The following GNA13 variants were observed in gnomAD, a reference collection of about 807,000 sequenced individuals.
GNA13 encodes the protein G protein subunit alpha 13.
A neutral mutation model predicts 33.5 loss-of-function variants in GNA13; 4 were observed. The ratio of observed to expected loss-of-function variants is 0.12; its 90% CI spans 0.06 to 0.27. The LOEUF (loss-of-function observed/expected upper bound fraction) is 0.27. GNA13 is among the 10% of genes least tolerant of loss of function. The probability of loss-of-function intolerance (pLI) is 1.00; values close to 1 mark genes in which losing one functional copy is unlikely to be tolerated. For missense variants in GNA13, 319 were observed against 487.2 expected (o/e 0.65, Z 3.25); for synonymous variants, 176 against 183.8 (o/e 0.96, Z 0.34).
chr17:65,027,727 C>T (rs1906845648), intron 2 of GNA13, among the ~76,000 whole-genome samples: 2 of 152,186 alleles, frequency 1.3e-5, no homozygotes, highest in Non-Finnish European at 2.9e-5. Flanking sequence ...CACTGACATG[C>T]TAATTTCTCC....
At position 65,056,685 on chromosome 17, in the gene GNA13, G is replaced by A. The variant is rs1908079338; in HGVS notation, c.-92C>T. On this transcript the variant is annotated 5_prime_UTR_variant, in exon 1 of 4. Coordinates refer to ENST00000439174, the MANE Select transcript of GNA13 (RefSeq NM_006572.6). Reference sequence around the variant, plus strand: ...GCGGCTCCGGCACCGAGGCTCGAGGGCGGGGAGCGCGGCGGCGGCCCGAGC... The same window carrying A: ...GCGGCTCCGGCACCGAGGCTCGAGGACGGGGAGCGCGGCGGCGGCCCGAGC... 3.2e-6 allele frequency: 3 copies of A among 945,272 alleles called. No homozygotes were observed. Among genetic ancestry groups the A allele is most frequent in the East Asian group, 6.8e-5 (2 of 29,492 alleles). 58.6% of individuals were successfully genotyped at this position (945,272 alleles called of 1,614,324 possible).
intron 2 of GNA13, among the ~76,000 whole-genome samples, chr17:65,023,437 A>T (rs1030482807): frequency 6.6e-6 from 1 of 152,218 alleles, no homozygotes; most frequent in African/African-American, 2.4e-5. Flanking sequence ...GAGCACAGGG[A>T]TGGAACTGAT....
Position 65,014,617 on chromosome 17 carries a change from T to G in GNA13, c.774A>C (p.Glu258Asp). 1 of 1,614,102 alleles carries G rather than the reference T, an allele frequency of 6.2e-7. No individual in the cohort carries two copies. Among genetic ancestry groups the G allele is most frequent in the Non-Finnish European group, 8.5e-7 (1 of 1,179,924 alleles). Residue 258 changes from glutamate (E) to aspartate (D), a missense_variant, in exon 4 of 4, where the codon GAA (glutamate) becomes GAC (aspartate). Coordinates refer to ENST00000439174, the MANE Select transcript of GNA13 (RefSeq NM_006572.6). The surrounding 1 kb of genome is among the most constrained non-coding windows in gnomAD (Gnocchi z 5.3). ...SSSEFDQVLM[E>D]DRLTNRLTES... The stretch of plus-strand genomic sequence containing the variant: ...CTGTAAGGCGATTGGTCAGTCGATC[T>G]TCCATAAGCACCTGGTCAAATTCAC...
At position 65,053,783 on chromosome 17, in the gene GNA13, A is replaced by G. The variant is rs528181261; in HGVS notation, c.284-55T>C. The G allele has an allele frequency of 4.9e-5, 52 of 1,069,946 alleles. 2 individuals are homozygous for G. The South Asian group carries it at 5.4e-4, about 11-fold the overall frequency. 66.3% of individuals were successfully genotyped at this position (1,069,946 alleles called of 1,614,324 possible). A position where few individuals can be genotyped will look rare whatever the true frequency, so the allele number is the denominator to read the frequency against. On this transcript the variant is annotated intron_variant, in intron 1 of 3. Coordinates refer to ENST00000439174, the MANE Select transcript of GNA13 (RefSeq NM_006572.6). ...TGGAGAGGAGTCATTACATATTATC[A>G]TAAGTTTTTATTCCAGTATTATTTC...
At chr17:65,034,156 GAAT>G (rs927600698) in intron 2 of GNA13, among the ~76,000 whole-genome samples, 3 of 149,958 alleles carry the variant, frequency 2.0e-5, no homozygotes, top group African/African-American at 7.4e-5. Flanking sequence ...AGCATAAGTA[GAAT>G]ACTACCTTTA....
chr17:65,046,095 G>A (rs899003728), intron 2 of GNA13, among the ~76,000 whole-genome samples: 1 of 152,114 alleles, frequency 6.6e-6, no homozygotes, highest in African/African-American at 2.4e-5. Context: ...GCGGATAACA[G>A]TATATCTTGT....
chr17:65,053,543 C>T lies in GNA13; in HGVS notation c.469G>A (p.Gly157Ser), dbSNP rs770151406. The stretch of plus-strand genomic sequence containing the variant: ...CGCCGGTCATAGGCATTCTGTATGC[C>T]GCTGTCTGCCCATAATGCTCTTATA... ...PAIRALWADS[G>S]IQNAYDRRRE... Residue 157 changes from glycine to serine, a missense_variant, in exon 2 of 4, where the codon GGC (glycine) becomes AGC (serine). Around this residue, in one of 4 missense-constraint regions of GNA13, gnomAD observed 136 missense variants for 159.3 expected, o/e 0.85. Coordinates refer to ENST00000439174, the MANE Select transcript of GNA13 (RefSeq NM_006572.6). 16 of 1,613,028 alleles carry T rather than the reference C, an allele frequency of 9.9e-6. 1 individual carries two copies. Among genetic ancestry groups the T allele is most frequent in the South Asian group, 7.7e-5 (7 of 91,058 alleles).
intron 2 of GNA13, among the ~76,000 whole-genome samples, chr17:65,018,924 C>G (rs56097648): frequency 6.6e-6 from 1 of 152,112 alleles, no homozygotes; most frequent in African/African-American, 2.4e-5. Flanking sequence ...CTAAACTGTA[C>G]GAGAATACAT....
chr17:65,013,991 G>A lies in GNA13; in HGVS notation c.*266C>T. 1 of 416,610 alleles carries A rather than the reference G, an allele frequency of 2.4e-6. No homozygotes were observed. The highest frequency in any genetic ancestry group is 4.3e-6 in the Non-Finnish European group (1 of 231,896). The allele number at this position is 416,610 out of a possible 1,614,324, so 25.8% of individuals were successfully genotyped here. The stretch of plus-strand genomic sequence containing the variant: ...AAGCCTGAAATATGCCTAGTCTGAG[G>A]TCAGCTGGGAGGTTTTAACTGGACT... On this transcript the variant is annotated 3_prime_UTR_variant, in exon 4 of 4. Transcript: ENST00000439174.
chr17:65,045,518 A>AC (rs1386222135), intron 2 of GNA13, among the ~76,000 whole-genome samples: 39 of 151,518 alleles, frequency 2.6e-4, no homozygotes, highest in Admixed American at 1.4e-3. Context: ...AAAAAAAAAA[A>AC]AAAAAAAAAA....
At chr17:65,030,131 A>G (rs537115261) in intron 2 of GNA13, among the ~76,000 whole-genome samples, 27 of 152,358 alleles carry the variant, frequency 1.8e-4, no homozygotes, top group African/African-American at 5.8e-4. Flanking sequence ...ACATCCCATA[A>G]AAGTGATAAA....
chr17:65,031,532 C>T (rs1024018493), intron 2 of GNA13, among the ~76,000 whole-genome samples: 1 of 152,190 alleles, frequency 6.6e-6, no homozygotes, highest in Admixed American at 6.5e-5. Flanking sequence ...TCAGAGAAAA[C>T]TGGAAATCTA....
intron 2 of GNA13, among the ~76,000 whole-genome samples, chr17:65,030,020 T>C (rs987681453): frequency 1.3e-5 from 2 of 152,136 alleles, no homozygotes; most frequent in Non-Finnish European, 2.9e-5. Context: ...TCTGAATGCT[T>C]TGAAGAGCAC....
intron 2 of GNA13, among the ~76,000 whole-genome samples, chr17:65,034,676 A>G (rs1217043762): frequency 6.6e-6 from 1 of 152,178 alleles, no homozygotes. Flanking sequence ...AAAATGTACA[A>G]CGCAGTTTAG....
At chr17:65,035,858 C>A (rs12949105) in intron 2 of GNA13, among the ~76,000 whole-genome samples, 129,665 of 151,998 alleles carry the variant, frequency 0.85, 59,178 homozygotes, top group East Asian at 1. Flanking sequence ...TGTTTTCCAA[C>A]GCAGGACATA....
chr17:65,030,401 A>G (rs1347243047), intron 2 of GNA13, among the ~76,000 whole-genome samples: 3 of 152,254 alleles, frequency 2.0e-5, no homozygotes, highest in Non-Finnish European at 2.9e-5. Context: ...CATAGATAGT[A>G]TATGTTCTAA....
intron 2 of GNA13, among the ~76,000 whole-genome samples, chr17:65,022,958 C>G (rs147114115): frequency 2.6e-4 from 40 of 152,348 alleles, no homozygotes; most frequent in African/African-American, 9.1e-4. Flanking sequence ...CAGTGGTTTT[C>G]CCTGGCTCTT....
Position 65,056,677 on chromosome 17 carries a change from G to A in GNA13, c.-84C>T. Reference sequence around the variant, plus strand: ...GGCGGCGGGCGGCTCCGGCACCGAGGCTCGAGGGCGGGGAGCGCGGCGGCG... The same window carrying A: ...GGCGGCGGGCGGCTCCGGCACCGAGACTCGAGGGCGGGGAGCGCGGCGGCG... On this transcript the variant is annotated 5_prime_UTR_variant, in exon 1 of 4. Transcript: ENST00000439174. The A allele has an allele frequency of 1.9e-6, 2 of 1,076,294 alleles. No homozygotes were observed. Among genetic ancestry groups the A allele is most frequent in the East Asian group, 3.2e-5 (1 of 31,478 alleles). The allele number at this position is 1,076,294 out of a possible 1,614,324, so 66.7% of individuals were successfully genotyped here. A position where few individuals can be genotyped will look rare whatever the true frequency, so the allele number is the denominator to read the frequency against.
intron 2 of GNA13, among the ~76,000 whole-genome samples, chr17:65,044,028 G>A (rs376072223): frequency 6.6e-5 from 10 of 152,154 alleles, no homozygotes; most frequent in African/African-American, 1.9e-4. Flanking sequence ...AGATTGAGGT[G>A]GGAAGGTTGC....
Sources: allele counts gnomAD v4.1 joint callset (sites outside exome capture counted in the v4.1 genomes callset), GRCh38; gene constraint gnomAD v4.1.1; regional missense constraint gnomAD v4.1.1; non-coding constraint Gnocchi (gnomAD v3.1); transcripts MANE v1.5; gene names NCBI Gene and HGNC (gene_info 2026-07-23, HGNC 2026-07-21).